The following CCDC144A variants were observed in gnomAD, a reference collection of about 807,000 sequenced individuals.
CCDC144A encodes coiled-coil domain containing 144A.
Under a neutral mutation model 143.8 loss-of-function variants are expected in CCDC144A, and 41 were observed. The ratio of observed to expected loss-of-function variants is 0.29; its 90% confidence interval spans 0.22 to 0.37. The LOEUF (loss-of-function observed/expected upper bound fraction) is 0.37. CCDC144A is among the 10% of genes least tolerant of loss of function. The pLI is 1.00. For synonymous variants in CCDC144A, 242 were observed against 517.9 expected (o/e 0.47, Z 7.23); for missense variants, 637 against 1,488.8 (o/e 0.43, Z 9.41).
intron 12 of CCDC144A, among the ~76,000 whole-genome samples, chr17:16,744,523 G>GT (rs1456704326): frequency 6.6e-6 from 1 of 152,028 alleles, no homozygotes; most frequent in African/African-American, 2.4e-5. Flanking sequence ...AGAAGTGTCT[G>GT]TTAATGTATT....
chr17:16,702,693 G>A (rs1911804817), intron 2 of CCDC144A, among the ~76,000 whole-genome samples: 1 of 152,170 alleles, frequency 6.6e-6, no homozygotes, highest in South Asian at 2.1e-4. Context: ...AGGATAGAAG[G>A]AAGAGGATAA....
chr17:16,711,148 A>AAAAAAAAAAAAAAAAAC (rs1912404536), intron 5 of CCDC144A, among the ~76,000 whole-genome samples: 1 of 140,788 alleles, frequency 7.1e-6, no homozygotes, highest in African/African-American at 2.6e-5. Context: ...AAAAAAAAAA[A>AAAAAAAAAAAAAAAAAC]AAAAAAAAAA....
rs575300763 is a variant in CCDC144A at position 16,746,838 on chromosome 17, G to A, written c.3372+11195G>A. The A allele has an allele frequency of 2.8e-4, 270 of 954,036 alleles. 1 individual carries two copies. The African/African-American group carries it at 3.9e-3, about 14-fold the overall frequency. The allele number at this position is 954,036 out of a possible 1,614,324, so 59.1% of individuals were successfully genotyped here. On this transcript the variant is annotated intron_variant, in intron 12 of 16. Coordinates refer to ENST00000399273, the MANE Select transcript of CCDC144A (RefSeq NM_001382000.1). ...CAAAAGGCACCGCGTACCGCGCTGG[G>A]AGGCCCGGCCCCCGCCCCTCCCTCC...
chr17:16,772,423 C>T (rs1915857635), intron 16 of CCDC144A, among the ~76,000 whole-genome samples: 1 of 150,442 alleles, frequency 6.6e-6, no homozygotes, highest in Non-Finnish European at 1.5e-5. Flanking sequence ...TAAGCAGTCG[C>T]TTGAGAGGTA....
At chr17:16,750,585 C>T (rs141868278) in intron 12 of CCDC144A, among the ~76,000 whole-genome samples, 3 of 151,894 alleles carry the variant, frequency 2.0e-5, no homozygotes, top group African/African-American at 4.9e-5. Flanking sequence ...TTCCATCGAC[C>T]TCTGTAATGA....
chr17:16,667,261 G>C, the CCDC144A span: 1 of 241,386 alleles, frequency 4.1e-6, no homozygotes, highest in Non-Finnish European at 8.1e-6. Flanking sequence ...CGGCTGAGGC[G>C]GCTGAGGCGG....
chr17:16,767,750 A>G (rs1014987394), intron 15 of CCDC144A, among the ~76,000 whole-genome samples: 1 of 152,262 alleles, frequency 6.6e-6, no homozygotes, highest in Admixed American at 6.5e-5. Flanking sequence ...ATAATTTTGT[A>G]TGAAATCACA....
rs1161130671 is a variant in CCDC144A, at chr17:16,774,821, C to G, written c.*1188C>G. ...CCATCACCTAGGTATTAATAATAGC[C>G]CAGCATCCATTAGCTGTTCTTCACG... On this transcript the variant is annotated 3_prime_UTR_variant, in exon 17 of 17. Transcript: ENST00000399273. The G allele has an allele frequency of 7.1e-6, 1 of 141,124 alleles. No homozygotes were observed. The highest frequency in any genetic ancestry group is 1.5e-5 in the Non-Finnish European group (1 of 67,890). The allele number at this position is 141,124 out of a possible 1,614,324, so 8.7% of individuals were successfully genotyped here.
At chr17:16,699,372 G>T (rs1911589737) in intron 2 of CCDC144A, among the ~76,000 whole-genome samples, 2 of 149,680 alleles carry the variant, frequency 1.3e-5, no homozygotes, top group African/African-American at 4.9e-5. Context: ...GGGTTTTTTG[G>T]ACTTTTTTTG....
chr17:16,675,757 T>A, the CCDC144A span, among the ~76,000 whole-genome samples: 1 of 152,068 alleles, frequency 6.6e-6, no homozygotes, highest in African/African-American at 2.4e-5. Flanking sequence ...TATTATTATT[T>A]TTTGAGACGG....
At chr17:16,763,313 C>T (rs550889919) in intron 14 of CCDC144A, among the ~76,000 whole-genome samples, 7 of 151,314 alleles carry the variant, frequency 4.6e-5, no homozygotes, top group Admixed American at 1.3e-4. Flanking sequence ...AAGGAAAAGT[C>T]GCCGTGAATG....
intron 9 of CCDC144A, among the ~76,000 whole-genome samples, chr17:16,729,246 C>G (rs1203057817): frequency 6.6e-6 from 1 of 152,174 alleles, no homozygotes; most frequent in Non-Finnish European, 1.5e-5. Context: ...TCTGCACCAA[C>G]ATCTATTGTT....
At chr17:16,736,256 T>TTTAA (rs1913993836) in intron 12 of CCDC144A, among the ~76,000 whole-genome samples, 1 of 139,920 alleles carries the variant, frequency 7.1e-6, no homozygotes, top group African/African-American at 2.7e-5. Context: ...TTTTTTTTTT[T>TTTAA]GAGATGGAAT....
chr17:16,748,699 T>C (rs1914649547), intron 12 of CCDC144A, among the ~76,000 whole-genome samples: 2 of 152,254 alleles, frequency 1.3e-5, no homozygotes, highest in African/African-American at 4.8e-5. Context: ...AGAAATTGGC[T>C]ATGAGTCAGT....
At chr17:16,704,270 C>T (rs1911912267) in intron 2 of CCDC144A, among the ~76,000 whole-genome samples, 1 of 151,972 alleles carries the variant, frequency 6.6e-6, no homozygotes, top group Non-Finnish European at 1.5e-5. Context: ...CTGGCTAACG[C>T]GGTGAAACCC....
chr17:16,745,447 C>T (rs1914450397), intron 12 of CCDC144A, among the ~76,000 whole-genome samples: 1 of 151,994 alleles, frequency 6.6e-6, no homozygotes, highest in Admixed American at 6.6e-5. Flanking sequence ...GAATTCTGCT[C>T]AATTTAATAC....
chr17:16,698,780 A>T (rs1376052456), intron 2 of CCDC144A, among the ~76,000 whole-genome samples: 6 of 152,244 alleles, frequency 3.9e-5, no homozygotes. Context: ...GTTGTGACAC[A>T]ATTTCAGGTT....
chr17:16,689,151 TCTTC>T (rs1484372927), upstream of CCDC144A, among the ~76,000 whole-genome samples: 6 of 152,186 alleles, frequency 3.9e-5, no homozygotes, highest in East Asian at 1.9e-4. Context: ...TTTCTTCCTT[TCTTC>T]CTTCCTTCTT....
At chr17:16,743,763 A>G (rs1243230686) in intron 12 of CCDC144A, among the ~76,000 whole-genome samples, 2 of 152,124 alleles carry the variant, frequency 1.3e-5, no homozygotes, top group African/African-American at 4.8e-5. Flanking sequence ...GCTTAGGTTT[A>G]GGGTGCAGTT....
Sources: allele counts gnomAD v4.1 joint callset (sites outside exome capture counted in the v4.1 genomes callset), GRCh38; gene constraint gnomAD v4.1.1; transcripts MANE v1.5; gene names NCBI Gene and HGNC (gene_info 2026-07-23, HGNC 2026-07-21).